The following SLIT2 variants were observed in gnomAD, a reference collection of about 807,000 sequenced individuals.
SLIT2 encodes the protein slit homolog 2 protein.
SLIT2 carries 41 observed loss-of-function variants against 185.7 expected under a neutral mutation model. The observed-to-expected ratio is 0.22, with a 90% CI of 0.17 to 0.29. The LOEUF (loss-of-function observed/expected upper bound fraction) is 0.29. Ranked by LOEUF, SLIT2 falls within the 10% of genes least tolerant of loss-of-function variation. SLIT2 has a pLI of 1.00. For synonymous variants in SLIT2, 693 were observed against 680.2 expected, an observed-to-expected ratio of 1.02 and a Z score of -0.29; for missense variants, 1,571 against 1,909.0, an observed-to-expected ratio of 0.82 and a Z score of 3.30.
intron 4 of SLIT2, among the ~76,000 whole-genome samples, chr4:20,408,309 G>T (rs565277629): frequency 6.6e-6 from 1 of 152,296 alleles, no homozygotes; most frequent in East Asian, 1.9e-4. Flanking sequence ...ATATAAAAAT[G>T]TAGTTATTCC....
chr4:20,586,926 G>A (rs974184332), intron 29 of SLIT2, among the ~76,000 whole-genome samples: 1 of 152,134 alleles, frequency 6.6e-6, no homozygotes, highest in Non-Finnish European at 1.5e-5. Flanking sequence ...AATGTCGGGT[G>A]GAAGATTGGT....
Position 20,328,925 on chromosome 4 carries a change from C to T in SLIT2, c.395+60044C>T, listed in dbSNP as rs75457112. Among the ~76,000 whole-genome samples, 511 of 151,796 alleles carry T rather than the reference C, an allele frequency of 3.4e-3. 4 individuals carry two copies. Among genetic ancestry groups the T allele is most frequent in the African/African-American group, 0.012 (505 of 41,406 alleles). On this transcript the variant is annotated intron_variant, in intron 4 of 36. Transcript: ENST00000504154. ...ATGTCTGTGTGTCTGCATGTGGGAG[C>T]GTGGAAAGTGGGGAGAGAAGAGAAA...
intron 4 of SLIT2, among the ~76,000 whole-genome samples, chr4:20,364,871 T>C (rs1722993837): frequency 6.6e-6 from 1 of 152,140 alleles, no homozygotes; most frequent in Non-Finnish European, 1.5e-5. Context: ...GTATAGAAGA[T>C]TTTTGAAGGC....
chr4:20,416,244 G>A (rs1324476240), intron 4 of SLIT2, among the ~76,000 whole-genome samples: 1 of 152,166 alleles, frequency 6.6e-6, no homozygotes, highest in East Asian at 1.9e-4. Context: ...GGAAATCCAA[G>A]TTCAAGGCAC....
intron 4 of SLIT2, among the ~76,000 whole-genome samples, chr4:20,318,552 CT>C: frequency 6.6e-6 from 1 of 152,244 alleles, no homozygotes; most frequent in East Asian, 1.9e-4. Flanking sequence ...GCTGCTGTTG[CT>C]TTTTGCAATA....
intron 1 of SLIT2, among the ~76,000 whole-genome samples, chr4:20,256,186 A>T (rs1198078944): frequency 2.6e-5 from 4 of 152,076 alleles, no homozygotes; most frequent in Non-Finnish European, 5.9e-5. Context: ...GATGGCACTA[A>T]TTTTTTTCTG....
At chr4:20,612,022 A>G (rs1729261296) in intron 34 of SLIT2, among the ~76,000 whole-genome samples, 1 of 152,100 alleles carries the variant, frequency 6.6e-6, no homozygotes, top group African/African-American at 2.4e-5. Context: ...TTATGTTTTC[A>G]TTAGAATCCA....
chr4:20,440,904 G>A (rs2148699491), intron 4 of SLIT2, among the ~76,000 whole-genome samples: 1 of 152,176 alleles, frequency 6.6e-6, no homozygotes, highest in South Asian at 2.1e-4. Flanking sequence ...TGATGACCAG[G>A]CCTTTACAAA....
At chr4:20,433,854 A>G (rs1729155162) in intron 4 of SLIT2, among the ~76,000 whole-genome samples, 1 of 152,198 alleles carries the variant, frequency 6.6e-6, no homozygotes, top group African/African-American at 2.4e-5. Flanking sequence ...ACTGTGAGTG[A>G]TACATACGTT....
At chr4:20,284,820 C>G (rs904785453) in intron 4 of SLIT2, among the ~76,000 whole-genome samples, 1 of 152,090 alleles carries the variant, frequency 6.6e-6, no homozygotes, top group East Asian at 1.9e-4. Context: ...GCTTAATTTG[C>G]AAATAAAACA....
At chr4:20,522,467 A>C (rs1720921168) in intron 12 of SLIT2, among the ~76,000 whole-genome samples, 3 of 152,204 alleles carry the variant, frequency 2.0e-5, no homozygotes, top group Admixed American at 6.5e-5. Flanking sequence ...AAAACAGTTG[A>C]CAAGACTGCA....
chr4:20,603,189 G>C (rs1728537134), intron 33 of SLIT2, among the ~76,000 whole-genome samples: 1 of 152,176 alleles, frequency 6.6e-6, no homozygotes, highest in African/African-American at 2.4e-5. Flanking sequence ...GCAGACAAGA[G>C]AGAATTGAGA....
chr4:20,581,304 C>T (rs1333392756), intron 29 of SLIT2, among the ~76,000 whole-genome samples: 2 of 152,142 alleles, frequency 1.3e-5, no homozygotes, highest in South Asian at 2.1e-4. Context: ...GGATTAGGGC[C>T]TATCCTAATG....
At chr4:20,601,905 T>G (rs1398511243) in intron 33 of SLIT2, among the ~76,000 whole-genome samples, 2 of 152,246 alleles carry the variant, frequency 1.3e-5, no homozygotes, top group African/African-American at 4.8e-5. Context: ...AAATTTTGCA[T>G]TATTTAATAT....
intron 5 of SLIT2, among the ~76,000 whole-genome samples, chr4:20,470,767 G>C (rs543859835): frequency 1.5e-4 from 23 of 152,102 alleles, no homozygotes; most frequent in African/African-American, 5.5e-4. Flanking sequence ...GTAGAGATGG[G>C]GTTTCACCAT....
At chr4:20,419,494 A>G (rs1393872090) in intron 4 of SLIT2, among the ~76,000 whole-genome samples, 1 of 152,176 alleles carries the variant, frequency 6.6e-6, no homozygotes, top group Non-Finnish European at 1.5e-5. Context: ...AAAGGAGACT[A>G]GAACAGTGAT....
intron 4 of SLIT2, among the ~76,000 whole-genome samples, chr4:20,450,837 T>C (rs574553812): frequency 9.2e-5 from 14 of 152,332 alleles, no homozygotes; most frequent in South Asian, 4.1e-4. Flanking sequence ...AAAGTTGTGT[T>C]GTGGTACTTT....
Position 20,533,737 on chromosome 4 carries a change from G to T in SLIT2, c.1832+22G>T, listed in dbSNP as rs1722009525. Reference sequence around the variant, plus strand: ...CTTTGTAAGTATTTGTACTTGCATTGCAGTTCTTCTACCAAAGGATTGCAG... The same window carrying T: ...CTTTGTAAGTATTTGTACTTGCATTTCAGTTCTTCTACCAAAGGATTGCAG... On this transcript the variant is annotated intron_variant, in intron 18 of 36. Transcript: ENST00000504154. The T allele has an allele frequency of 1.9e-6, 3 of 1,599,046 alleles. No individual in the cohort carries two copies. The South Asian group carries it at 3.4e-5, about 18-fold the overall frequency.
intron 4 of SLIT2, among the ~76,000 whole-genome samples, chr4:20,414,636 T>C (rs1727516412): frequency 6.6e-6 from 1 of 152,222 alleles, no homozygotes. Flanking sequence ...TTTCTGAATG[T>C]AGAATCCTTG....
Sources: allele counts gnomAD v4.1 joint callset (sites outside exome capture counted in the v4.1 genomes callset), GRCh38; gene constraint gnomAD v4.1.1; transcripts MANE v1.5; gene names NCBI Gene and HGNC (gene_info 2026-07-23, HGNC 2026-07-21).